Variants in CUEDC1 observed in about 807,000 individuals in gnomAD.
CUEDC1 encodes the protein CUE domain-containing protein 1.
A neutral mutation model predicts 43.7 loss-of-function variants in CUEDC1; 30 were observed. The observed-to-expected ratio is 0.69, with a 90% CI of 0.51 to 0.93. The LOEUF (loss-of-function observed/expected upper bound fraction) is 0.93, where lower values mean the gene tolerates loss of function less well. Ranked by LOEUF, CUEDC1 falls within the 40% of genes least tolerant of loss-of-function variation. The probability of loss-of-function intolerance (pLI) is 0.00; values close to 1 mark genes in which losing one functional copy is unlikely to be tolerated. For missense variants in CUEDC1, 486 were observed against 549.0 expected (o/e 0.89, Z 1.15); for synonymous variants, 223 against 223.6 (o/e 1.00, Z 0.02).
intron 1 of CUEDC1, among the ~76,000 whole-genome samples, chr17:57,890,652 C>T (rs1407378167): frequency 1.3e-5 from 2 of 152,168 alleles, no homozygotes; most frequent in Admixed American, 6.5e-5. Context: ...CCGGCAGGGG[C>T]GGCAAACAGC....
At chr17:57,892,318 G>C (rs930593671) in intron 1 of CUEDC1, among the ~76,000 whole-genome samples, 1 of 152,170 alleles carries the variant, frequency 6.6e-6, no homozygotes, top group Admixed American at 6.5e-5. Flanking sequence ...CCAGCACCAG[G>C]GGGCAGGAGG....
chr17:57,880,401 G>A (rs1206281421), intron 2 of CUEDC1, among the ~76,000 whole-genome samples: 1 of 152,210 alleles, frequency 6.6e-6, no homozygotes, highest in Non-Finnish European at 1.5e-5. Context: ...TTTTAGAACT[G>A]AGTCTTCAAC....
intron 1 of CUEDC1, among the ~76,000 whole-genome samples, chr17:57,924,744 G>A (rs1030359263): frequency 2.0e-5 from 3 of 152,152 alleles, no homozygotes; most frequent in African/African-American, 4.8e-5. Context: ...GCTAGAAGCC[G>A]CTGTCCCATC....
rs532311741 is a variant in CUEDC1, at chr17:57,879,063, A to G, written c.464+548T>C. ...CCTCCCTGCCTCCAGTTATCAAACTACCTTAATGAAAGAGACTTGCTCTCA... is the reference window on the plus strand; with the variant it reads ...CCTCCCTGCCTCCAGTTATCAAACTGCCTTAATGAAAGAGACTTGCTCTCA... On this transcript the variant is annotated intron_variant, in intron 3 of 10. Transcript: ENST00000577830. 5.3e-5 allele frequency among the ~76,000 whole-genome samples: 8 copies of G among 152,348 alleles called. No individual in the cohort carries two copies. The South Asian group carries it at 1.0e-3, about 20-fold the overall frequency.
rs1038701148 is a variant in CUEDC1, at chr17:57,942,509, C to T, written c.-316+12716G>A. Among the ~76,000 whole-genome samples, 10 of 152,046 alleles carry T rather than the reference C, an allele frequency of 6.6e-5. No individual in the cohort carries two copies. The East Asian group carries it at 2.0e-3, about 30-fold the overall frequency. Reference sequence around the variant, plus strand: ...GTTCAAGTGATTCTCCTGCCTCAGCCTCCCAAGTAGCTGACACTACAAGCA... The same window carrying T: ...GTTCAAGTGATTCTCCTGCCTCAGCTTCCCAAGTAGCTGACACTACAAGCA... On this transcript the variant is annotated intron_variant, in intron 1 of 10. Coordinates refer to ENST00000577830, the MANE Select transcript of CUEDC1 (RefSeq NM_001271875.2).
At chr17:57,896,487 G>GGGGGT (rs375270781) in intron 1 of CUEDC1, among the ~76,000 whole-genome samples, 5 of 130,282 alleles carry the variant, frequency 3.8e-5, no homozygotes, top group East Asian at 2.1e-4. Flanking sequence ...TGCATTATGG[G>GGGGGT]GTGTGTGTGT....
At chr17:57,876,050 C>T (rs182972814) in intron 3 of CUEDC1, among the ~76,000 whole-genome samples, 5 of 152,282 alleles carry the variant, frequency 3.3e-5, no homozygotes, top group Non-Finnish European at 7.4e-5. Flanking sequence ...TGCAGGTTCT[C>T]GGCACCCCAG....
intron 1 of CUEDC1, among the ~76,000 whole-genome samples, chr17:57,899,699 G>A (rs1043180903): frequency 5.9e-5 from 9 of 152,026 alleles, no homozygotes; most frequent in Non-Finnish European, 1.3e-4. Flanking sequence ...CCAGGCCCTC[G>A]CAGCCATAGG....
At chr17:57,864,154 C>T (rs1023399428) in intron 10 of CUEDC1, among the ~76,000 whole-genome samples, 1 of 151,806 alleles carries the variant, frequency 6.6e-6, no homozygotes, top group African/African-American at 2.4e-5. Context: ...AGGTGATGAG[C>T]ATCTATCAGG....
rs138673130 is a variant in CUEDC1 at position 57,880,683 on chromosome 17, G to A, written c.337-945C>T. On this transcript the variant is annotated intron_variant, in intron 2 of 10. Transcript: ENST00000577830. The stretch of plus-strand genomic sequence containing the variant: ...TGGCTACCTCTGACCCTCCAGTTCT[G>A]GCACACTCCGCAGACATCAAAGTAT... Among the ~76,000 whole-genome samples the A allele has an allele frequency of 1.4e-4, 21 of 152,296 alleles. No individual in the cohort carries two copies. The East Asian group carries it at 3.7e-3, about 27-fold the overall frequency.
At chr17:57,937,516 C>T (rs2074873627) in intron 1 of CUEDC1, among the ~76,000 whole-genome samples, 1 of 150,902 alleles carries the variant, frequency 6.6e-6, no homozygotes, top group Non-Finnish European at 1.5e-5. Context: ...GAGGCTGAGG[C>T]AGGAGGATGC....
intron 1 of CUEDC1, among the ~76,000 whole-genome samples, chr17:57,938,535 C>A (rs1332745247): frequency 6.6e-6 from 1 of 152,254 alleles, no homozygotes; most frequent in African/African-American, 2.4e-5. Flanking sequence ...CCAGAGCACA[C>A]ATATGCAATA....
intron 1 of CUEDC1, among the ~76,000 whole-genome samples, chr17:57,942,368 GT>G (rs924812254): frequency 2.6e-5 from 4 of 151,900 alleles, no homozygotes; most frequent in Admixed American, 6.6e-5. Flanking sequence ...GAATTGTCTA[GT>G]TTTTTTTCGT....
At position 57,930,709 on chromosome 17, in the gene CUEDC1, G is replaced by A. The variant is rs144327062; in HGVS notation, c.-316+24516C>T. Among the ~76,000 whole-genome samples, 93 of 152,278 alleles carry A rather than the reference G, an allele frequency of 6.1e-4. No individual in the cohort carries two copies. Among genetic ancestry groups the A allele is most frequent in the African/African-American group, 2.2e-3 (91 of 41,560 alleles). On this transcript the variant is annotated intron_variant, in intron 1 of 10. Coordinates refer to ENST00000577830, the MANE Select transcript of CUEDC1 (RefSeq NM_001271875.2). This position sits in a 1 kb window ranked among gnomAD's most constrained non-coding sequence, Gnocchi z 4.2. Reference sequence around the variant, plus strand: ...TAAAAAGAAGATATCCACATCTATCGTGAAAGCTGAGAAATCTAAGAGCTG... The same window carrying A: ...TAAAAAGAAGATATCCACATCTATCATGAAAGCTGAGAAATCTAAGAGCTG...
intron 7 of CUEDC1, among the ~76,000 whole-genome samples, chr17:57,868,733 G>A (rs2073995381): frequency 6.6e-6 from 1 of 152,100 alleles, no homozygotes; most frequent in Non-Finnish European, 1.5e-5. Context: ...GGGAGGGAAG[G>A]GGGCATTCAA....
chr17:57,901,365 A>C (rs1259287388), intron 1 of CUEDC1, among the ~76,000 whole-genome samples: 1 of 152,252 alleles, frequency 6.6e-6, no homozygotes, highest in African/African-American at 2.4e-5. Context: ...GTAGACACTC[A>C]TGACATAAAG....
At chr17:57,864,018 GAAAGAAAAGAA>G (rs2073920267) in intron 10 of CUEDC1, among the ~76,000 whole-genome samples, 1 of 133,834 alleles carries the variant, frequency 7.5e-6, no homozygotes, top group Non-Finnish European at 1.7e-5. Flanking sequence ...AAAAAAAAAA[GAAAGAAAAGAA>G]AAAGAAAAAA....
In CUEDC1 at chr17:57,879,486, C is replaced by T; in HGVS notation, c.464+125G>A. On this transcript the variant is annotated intron_variant, in intron 3 of 10. Transcript: ENST00000577830. ...TATCTAGCTAAAATGTCTCTTGCTGCAGTAGAAGCCTGTTCTTTGAAATAT... is the reference window on the plus strand; with the variant it reads ...TATCTAGCTAAAATGTCTCTTGCTGTAGTAGAAGCCTGTTCTTTGAAATAT... 4 of 1,246,098 alleles carry T rather than the reference C, an allele frequency of 3.2e-6. No homozygotes were observed. The South Asian group carries it at 7.7e-5, about 24-fold the overall frequency. The allele number at this position is 1,246,098 out of a possible 1,614,324, so 77.2% of individuals were successfully genotyped here.
chr17:57,924,409 C>T (rs1598012514), intron 1 of CUEDC1, among the ~76,000 whole-genome samples: 2 of 148,228 alleles, frequency 1.3e-5, no homozygotes, highest in Admixed American at 1.3e-4. Context: ...GGGCCTCTTC[C>T]GGCTTCTTTA....
Sources: gnomAD v4.1 joint callset for allele counts (sites outside exome capture counted in the v4.1 genomes callset) on GRCh38, gnomAD v4.1.1 for gene constraint, Gnocchi (gnomAD v3.1) non-coding constraint, MANE v1.5 for transcripts, NCBI Gene and HGNC (gene_info 2026-07-23, HGNC 2026-07-21) for gene names.